The following CPNE4 variants were observed in gnomAD, a reference collection of about 807,000 sequenced individuals.
CPNE4 encodes the protein copine 4.
CPNE4 carries 25 observed loss-of-function variants against 67.9 expected under a neutral mutation model. The observed-to-expected ratio is 0.37, with a 90% CI of 0.27 to 0.51. The LOEUF (loss-of-function observed/expected upper bound fraction) is 0.51, where lower values mean the gene tolerates loss of function less well. Among genes scored for constraint, CPNE4 ranks in the 20% least tolerant of loss-of-function variants. The pLI, the probability that CPNE4 is intolerant of heterozygous loss-of-function variation, is 0.93. For missense variants in CPNE4, 464 were observed against 690.8 expected (o/e 0.67, Z 3.68); for synonymous variants, 242 against 244.9 (o/e 0.99, Z 0.11).
intron 3 of CPNE4, among the ~76,000 whole-genome samples, chr3:131,700,391 T>C (rs1185688380): frequency 6.6e-6 from 1 of 152,086 alleles, no homozygotes; most frequent in Non-Finnish European, 1.5e-5. Flanking sequence ...GGAAAGGAAC[T>C]AAAGGGCTAA....
intron 7 of CPNE4, among the ~76,000 whole-genome samples, chr3:131,589,760 G>A (rs1441821455): frequency 6.6e-6 from 1 of 152,230 alleles, no homozygotes; most frequent in African/African-American, 2.4e-5. Context: ...AAATATGGAG[G>A]ATTTGGCAGA....
chr3:131,692,684 T>G (rs2081060265), intron 5 of CPNE4, among the ~76,000 whole-genome samples: 1 of 152,178 alleles, frequency 6.6e-6, no homozygotes, highest in African/African-American at 2.4e-5. Flanking sequence ...ATTTATCAAC[T>G]AGCCCTTTAT....
chr3:131,923,743 G>GAA (rs377297088), intron 1 of CPNE4, among the ~76,000 whole-genome samples: 1 of 119,692 alleles, frequency 8.4e-6, no homozygotes, highest in Non-Finnish European at 1.8e-5. Flanking sequence ...AAAAAAAATA[G>GAA]AAAAAAAAAT....
intron 10 of CPNE4, among the ~76,000 whole-genome samples, chr3:131,565,180 C>A (rs1204113697): frequency 5.3e-5 from 8 of 151,880 alleles, no homozygotes; most frequent in Admixed American, 5.3e-4. Flanking sequence ...CCAACATCAC[C>A]ACCATCTAAA....
chr3:131,670,819 T>TA (rs5852637), intron 6 of CPNE4, among the ~76,000 whole-genome samples: 2 of 151,870 alleles, frequency 1.3e-5, no homozygotes, highest in Admixed American at 1.3e-4. Context: ...ATTTTTTGTT[T>TA]TTTTTTTTTG....
At chr3:131,569,499 G>A (rs1431903065) in intron 10 of CPNE4, among the ~76,000 whole-genome samples, 3 of 151,776 alleles carry the variant, frequency 2.0e-5, no homozygotes, top group Non-Finnish European at 2.9e-5. Flanking sequence ...AGTAGCCAGT[G>A]TGGTAGCATA....
chr3:131,893,943 G>C (rs747268939), intron 2 of CPNE4, among the ~76,000 whole-genome samples: 2 of 151,444 alleles, frequency 1.3e-5, no homozygotes, highest in South Asian at 4.2e-4. Flanking sequence ...ATTGATAGAA[G>C]AAAAGAAATA....
chr3:131,830,757 T>C (rs1393137564), intron 2 of CPNE4, among the ~76,000 whole-genome samples: 11 of 152,146 alleles, frequency 7.2e-5, no homozygotes, highest in Admixed American at 1.3e-4. Context: ...GCAAGCTTCA[T>C]AAAATCATGT....
intron 2 of CPNE4, among the ~76,000 whole-genome samples, chr3:131,850,505 TAGA>T (rs2086199214): frequency 6.6e-6 from 1 of 152,136 alleles, no homozygotes; most frequent in Non-Finnish European, 1.5e-5. Flanking sequence ...TGTATGCCAG[TAGA>T]AGATCTCAAT....
chr3:131,878,660 T>A (rs1232661674), intron 2 of CPNE4, among the ~76,000 whole-genome samples: 1 of 152,226 alleles, frequency 6.6e-6, no homozygotes, highest in African/African-American at 2.4e-5. Flanking sequence ...AAAGAAAGAC[T>A]TGGGCAAAAT....
intron 1 of CPNE4, among the ~76,000 whole-genome samples, chr3:131,951,738 T>A (rs999052038): frequency 4.6e-5 from 7 of 152,218 alleles, no homozygotes; most frequent in African/African-American, 1.4e-4. Context: ...GGTTTTCGTA[T>A]TTTTTTGGTG....
chr3:131,976,382 C>T (rs2072653767), intron 1 of CPNE4, among the ~76,000 whole-genome samples: 1 of 151,910 alleles, frequency 6.6e-6, no homozygotes, highest in African/African-American at 2.4e-5. Context: ...TAAAGTTCAC[C>T]AAAGCTCTTT....
In CPNE4 at chr3:131,923,431, G is replaced by A. The variant is rs117505455; in HGVS notation, c.-1-17987C>T. Among the ~76,000 whole-genome samples, 958 of 152,246 alleles carry A rather than the reference G, an allele frequency of 6.3e-3. 47 individuals are homozygous for A. The East Asian group carries it at 0.12, about 19-fold the overall frequency. On this transcript the variant is annotated intron_variant, in intron 1 of 15. Coordinates refer to ENST00000429747, the MANE Select transcript of CPNE4 (RefSeq NM_130808.3). ...GAAAATCCAACAGAACTGGCTGGGC[G>A]CAGTGGCTCACGCCTGTATTTCCAG...
At chr3:131,749,518 GTTGTT>G (rs1490913850) in intron 2 of CPNE4, among the ~76,000 whole-genome samples, 2 of 152,032 alleles carry the variant, frequency 1.3e-5, no homozygotes, top group African/African-American at 4.8e-5. Context: ...TTTCTGTCTA[GTTGTT>G]TTATCAATTG....
At chr3:131,936,956 G>T (rs907124562) in intron 1 of CPNE4, among the ~76,000 whole-genome samples, 9 of 150,478 alleles carry the variant, frequency 6.0e-5, no homozygotes, top group African/African-American at 2.2e-4. Context: ...AACTAAAAAT[G>T]AGAAAAGCAA....
intron 15 of CPNE4, among the ~76,000 whole-genome samples, chr3:131,540,811 A>T (rs1030540247): frequency 2.6e-5 from 4 of 152,150 alleles, no homozygotes; most frequent in Non-Finnish European, 5.9e-5. Flanking sequence ...GCAGGGAGGG[A>T]CTGCAGTGGA....
intron 2 of CPNE4, among the ~76,000 whole-genome samples, chr3:131,777,794 G>A (rs559888798): frequency 6.6e-6 from 1 of 152,216 alleles, no homozygotes; most frequent in East Asian, 1.9e-4. Context: ...ATGTACAATG[G>A]AAAGCAGCCA....
At position 131,873,252 on chromosome 3, in the gene CPNE4, C is replaced by T. The variant is rs114650801; in HGVS notation, c.180+32012G>A. Reference sequence around the variant, plus strand: ...TGCTTTCTGGAGTTGCTCTTATTTGCCTTTTCACATCCTTAATTCCTAGTG... The same window carrying T: ...TGCTTTCTGGAGTTGCTCTTATTTGTCTTTTCACATCCTTAATTCCTAGTG... On this transcript the variant is annotated intron_variant, in intron 2 of 15. Transcript: ENST00000429747. Among the ~76,000 whole-genome samples the T allele has an allele frequency of 3.5e-3, 538 of 152,212 alleles. 2 individuals are homozygous for T. Among genetic ancestry groups the T allele is most frequent in the African/African-American group, 0.013 (526 of 41,518 alleles).
chr3:131,626,599 G>C (rs1348739649), intron 7 of CPNE4, among the ~76,000 whole-genome samples: 1 of 152,340 alleles, frequency 6.6e-6, no homozygotes, highest in African/African-American at 2.4e-5. Flanking sequence ...TTTAAGGAAA[G>C]AAGCTGTCTC....
Sources: gnomAD v4.1 joint callset for allele counts (sites outside exome capture counted in the v4.1 genomes callset) on GRCh38, gnomAD v4.1.1 for gene constraint, MANE v1.5 for transcripts, NCBI Gene and HGNC (gene_info 2026-07-23, HGNC 2026-07-21) for gene names.